NRXN3: variants seen among roughly 807,000 people sequenced by gnomAD.
NRXN3 encodes the protein neurexin 3, also known as neurexin III.
A neutral mutation model predicts 137.6 loss-of-function variants in NRXN3; 32 were observed. The ratio of observed to expected loss-of-function variants is 0.23; its 90% CI spans 0.18 to 0.31. The LOEUF is 0.31. Ranked by LOEUF, NRXN3 falls within the 10% of genes least tolerant of loss-of-function variation. The probability of loss-of-function intolerance (pLI) is 1.00; values close to 1 mark genes in which losing one functional copy is unlikely to be tolerated. For missense variants in NRXN3, 1,574 were observed against 2,062.5 expected (o/e 0.76, Z 4.59); for synonymous variants, 798 against 784.5 (o/e 1.02, Z -0.29).
At chr14:78,195,230 A>C (rs2061120689) in intron 1 of NRXN3, among the ~76,000 whole-genome samples, 1 of 152,252 alleles carries the variant, frequency 6.6e-6, no homozygotes, top group South Asian at 2.1e-4. Flanking sequence ...GCACTGTGCT[A>C]GGCATTGTTC....
At chr14:79,077,215 G>T (rs1270928785) in intron 15 of NRXN3, among the ~76,000 whole-genome samples, 1 of 152,264 alleles carries the variant, frequency 6.6e-6, no homozygotes, top group South Asian at 2.1e-4. Context: ...TCCACAGCAG[G>T]TGATAAGAAT....
At chr14:79,768,831 C>T (rs1199024402) in intron 19 of NRXN3, among the ~76,000 whole-genome samples, 6 of 151,886 alleles carry the variant, frequency 4.0e-5, no homozygotes, top group South Asian at 4.2e-4. Context: ...CTCTGAGCTA[C>T]GGGAGGACAT....
chr14:79,224,103 C>CT (rs1423437584), intron 15 of NRXN3, among the ~76,000 whole-genome samples: 1 of 152,150 alleles, frequency 6.6e-6, no homozygotes, highest in African/African-American at 2.4e-5. Context: ...TAGATCATCA[C>CT]TATGCCCTTT....
At position 79,438,149 on chromosome 14, in the gene NRXN3, G is replaced by A. The variant is rs572216313; in HGVS notation, c.3263-29072G>A. ...CATTTTCTCCTGGGATCGGGCTGCTGCCAGCTCTGGCACTTTGCCTGGGAC... is the reference window on the plus strand; with the variant it reads ...CATTTTCTCCTGGGATCGGGCTGCTACCAGCTCTGGCACTTTGCCTGGGAC... On this transcript the variant is annotated intron_variant, in intron 15 of 20. Transcript: ENST00000335750. Among the ~76,000 whole-genome samples, 7 of 152,292 alleles carry A rather than the reference G, an allele frequency of 4.6e-5. No individual in the cohort carries two copies. The South Asian group carries it at 1.5e-3, about 32-fold the overall frequency.
At chr14:78,555,811 A>C (rs964764493) in intron 4 of NRXN3, among the ~76,000 whole-genome samples, 1 of 152,242 alleles carries the variant, frequency 6.6e-6, no homozygotes. Flanking sequence ...CGTTGTGCCA[A>C]GATGGTGGCA....
intron 15 of NRXN3, among the ~76,000 whole-genome samples, chr14:79,031,831 A>C (rs773005785): frequency 3.3e-5 from 5 of 152,210 alleles, no homozygotes; most frequent in Non-Finnish European, 5.9e-5. Context: ...TATGTAAATT[A>C]ATCAAATTAT....
chr14:79,231,953 A>T (rs2072286800), intron 15 of NRXN3, among the ~76,000 whole-genome samples: 1 of 152,170 alleles, frequency 6.6e-6, no homozygotes, highest in Admixed American at 6.6e-5. Context: ...GCAAAAGAAA[A>T]TTTTAAAATA....
chr14:78,414,181 C>T (rs2093001372), intron 4 of NRXN3, among the ~76,000 whole-genome samples: 1 of 151,560 alleles, frequency 6.6e-6, no homozygotes, highest in Admixed American at 6.6e-5. Context: ...CAGGCTAATA[C>T]ACCATCCTTT....
intron 4 of NRXN3, among the ~76,000 whole-genome samples, chr14:78,428,591 TA>T (rs1222426785): frequency 6.6e-6 from 1 of 152,068 alleles, no homozygotes; most frequent in Non-Finnish European, 1.5e-5. Context: ...AGATTTTTAT[TA>T]AAAGAAATTG....
chr14:79,845,641 G>A lies in NRXN3; in HGVS notation c.4094-15701G>A, dbSNP rs1343979893. On this transcript the variant is annotated intron_variant, in intron 20 of 20. Coordinates refer to ENST00000335750, the MANE Select transcript of NRXN3 (RefSeq NM_001330195.2). ...CGGAGACGGGGAGAGAGACGGAGACGGGGAGAGAGACGGAGACGGGGAGAG... is the reference window on the plus strand; with the variant it reads ...CGGAGACGGGGAGAGAGACGGAGACAGGGAGAGAGACGGAGACGGGGAGAG... Among the ~76,000 whole-genome samples, 2 of 118,058 alleles carry A rather than the reference G, an allele frequency of 1.7e-5. 1 individual carries two copies. Among genetic ancestry groups the A allele is most frequent in the East Asian group, 5.6e-4 (2 of 3,574 alleles). 77.5% of individuals were successfully genotyped at this position (118,058 alleles called of 152,430 possible). A position where few individuals can be genotyped will look rare whatever the true frequency, so the allele number is the denominator to read the frequency against.
At chr14:78,996,074 A>G (rs1191209445) in intron 15 of NRXN3, among the ~76,000 whole-genome samples, 1 of 152,180 alleles carries the variant, frequency 6.6e-6, no homozygotes, top group Non-Finnish European at 1.5e-5. Context: ...GTGTCCTTTT[A>G]TAACATTAGA....
rs138093348 is a variant in NRXN3 at position 79,524,054 on chromosome 14, A to G, written c.3444+56652A>G. The stretch of plus-strand genomic sequence containing the variant: ...TTAGCTGCACATCTAAATAATCGGT[A>G]ATGAGAACATCCTTGACAAAACTAT... On this transcript the variant is annotated intron_variant, in intron 16 of 20. Transcript: ENST00000335750. 5.8e-4 allele frequency among the ~76,000 whole-genome samples: 89 copies of G among 152,320 alleles called. 1 individual carries two copies. The East Asian group carries it at 0.014, about 25-fold the overall frequency.
At chr14:79,053,600 C>T (rs1445848650) in intron 15 of NRXN3, among the ~76,000 whole-genome samples, 4 of 146,368 alleles carry the variant, frequency 2.7e-5, no homozygotes, top group Non-Finnish European at 4.5e-5. Flanking sequence ...GAGTATTGTG[C>T]GTGTTCTATG....
chr14:79,840,587 C>T (rs760288), intron 20 of NRXN3, among the ~76,000 whole-genome samples: 116,455 of 152,032 alleles, frequency 0.77, 44,901 homozygotes, highest in East Asian at 0.91. Context: ...TGTATTTTAA[C>T]GTAAAACATG....
At chr14:78,808,420 T>G (rs2098890418) in intron 9 of NRXN3, among the ~76,000 whole-genome samples, 1 of 152,188 alleles carries the variant, frequency 6.6e-6, no homozygotes. Context: ...AGGCTCACTC[T>G]TCCTCTCATA....
intron 15 of NRXN3, among the ~76,000 whole-genome samples, chr14:79,345,157 A>G (rs1180793609): frequency 6.6e-6 from 1 of 152,048 alleles, no homozygotes; most frequent in Non-Finnish European, 1.5e-5. Flanking sequence ...AAATTACTCA[A>G]AATATTTGCC....
At chr14:78,855,428 C>A (rs1399968835) in intron 10 of NRXN3, among the ~76,000 whole-genome samples, 1 of 152,122 alleles carries the variant, frequency 6.6e-6, no homozygotes, top group Non-Finnish European at 1.5e-5. Context: ...CATGTGGACA[C>A]TTTACAGCTT....
intron 4 of NRXN3, among the ~76,000 whole-genome samples, chr14:78,353,843 T>C (rs2153598097): frequency 6.6e-6 from 1 of 152,250 alleles, no homozygotes; most frequent in Non-Finnish European, 1.5e-5. Flanking sequence ...GTCCTGAACT[T>C]CTGGTTCCTC....
intron 15 of NRXN3, among the ~76,000 whole-genome samples, chr14:79,257,496 G>A (rs911910479): frequency 1.2e-5 from 1 of 84,144 alleles, no homozygotes; most frequent in African/African-American, 5.0e-5. Context: ...GGTGATGGTG[G>A]TGGTGGTGGT....
Sources: allele counts gnomAD v4.1 joint callset (sites outside exome capture counted in the v4.1 genomes callset), GRCh38; gene constraint gnomAD v4.1.1; transcripts MANE v1.5; gene names NCBI Gene and HGNC (gene_info 2026-07-23, HGNC 2026-07-21).